The following PAMR1 variants were observed in gnomAD, a reference collection of about 807,000 sequenced individuals.
PAMR1 encodes peptidase domain containing associated with muscle regeneration 1.
A neutral mutation model predicts 81.8 loss-of-function variants in PAMR1; 88 were observed. The ratio of observed to expected loss-of-function variants is 1.08; its 90% confidence interval spans 0.91 to 1.28. The LOEUF is 1.28. PAMR1 is among the 50% of genes most tolerant of loss of function. PAMR1 has a pLI of 0.00. For synonymous variants in PAMR1, 336 were observed against 345.3 expected, an observed-to-expected ratio of 0.97 and a Z score of 0.30; for missense variants, 935 against 919.7, an observed-to-expected ratio of 1.02 and a Z score of -0.21.
Position 35,492,041 on chromosome 11 carries a change from T to G in PAMR1, c.379+4A>C. On this transcript the variant is annotated splice_donor_region_variant and intron_variant, in intron 3 of 10. Coordinates refer to ENST00000619888, the MANE Select transcript of PAMR1 (RefSeq NM_001001991.3). ...GAGATGGAGCTAGGTCAAGGTCTAC[T>G]TACGCATGCAGTCTCCTCCGTACCA... is the stretch of plus-strand genomic sequence containing the variant. 6.2e-7 allele frequency: 1 copy of G among 1,610,502 alleles called. No homozygotes were observed. The highest frequency in any genetic ancestry group is 8.5e-7 in the Non-Finnish European group (1 of 1,178,208).
intron 7 of PAMR1, 148 bp downstream of exon 7, chr11:35,441,332 AT>A: frequency 1.5e-6 from 1 of 648,774 alleles, no homozygotes; most frequent in Non-Finnish European, 2.7e-6. Context: ...TATTTTTAGG[AT>A]GGTTTCCAAC....
rs143102071 is a variant in PAMR1, at chr11:35,432,513, G to A, written c.2006C>T (p.Ala669Val). The change falls in exon 11 of 11, where the codon GCG becomes GTG. Residue 669 changes from alanine to valine, a missense_variant. Coordinates refer to ENST00000619888, the MANE Select transcript of PAMR1 (RefSeq NM_001001991.3). ...DICTAETGGI[A>V]AVSFPGRASP... ...TGCTCGTCCCGGGAAGGACACAGCC[G>A]CGATGCCTCCTGTCTCTGCAGTGCA... The A allele has an allele frequency of 3.0e-5, 48 of 1,614,256 alleles. No homozygotes were observed. The highest frequency in any genetic ancestry group is 2.1e-4 in the African/African-American group (16 of 75,072).
intron 1 of PAMR1, among the ~76,000 whole-genome samples, chr11:35,507,783 T>G (rs572555110): frequency 7.3e-6 from 1 of 136,254 alleles, no homozygotes; most frequent in Non-Finnish European, 1.5e-5. Flanking sequence ...TCTTTGTAAT[T>G]TACCTATTGA....
In PAMR1 at chr11:35,491,169, C is replaced by G. The variant is rs540500143; in HGVS notation, c.379+876G>C. 6.6e-5 allele frequency among the ~76,000 whole-genome samples: 10 copies of G among 152,300 alleles called. No individual in the cohort carries two copies. The South Asian group carries it at 1.7e-3, about 25-fold the overall frequency. On this transcript the variant is annotated intron_variant, in intron 3 of 10. Transcript: ENST00000619888. The stretch of plus-strand genomic sequence containing the variant: ...TCCCCAGTTCACCTGGAAGTGCCAA[C>G]AAGCCCCTTCTCCTCCTGGTATAGT...
At chr11:35,526,399 A>G (rs1023904811), upstream of PAMR1, among the ~76,000 whole-genome samples, 1 of 152,198 alleles carries the variant, frequency 6.6e-6, no homozygotes, top group Non-Finnish European at 1.5e-5. Flanking sequence ...AAGAACCCTC[A>G]CTGCCTCCAC....
chr11:35,439,065 A>C (rs1286511597), intron 8 of PAMR1, among the ~76,000 whole-genome samples: 1 of 152,160 alleles, frequency 6.6e-6, no homozygotes, highest in Non-Finnish European at 1.5e-5. Flanking sequence ...AGAATGTAGA[A>C]GAAATGAGTA....
rs573993459 is a variant in PAMR1 at position 35,513,097 on chromosome 11, T to C, written c.73+12416A>G. Among the ~76,000 whole-genome samples the C allele has an allele frequency of 3.3e-5, 5 of 152,336 alleles. No individual in the cohort carries two copies. In the South Asian group the frequency reaches 8.3e-4, roughly 25 times the overall value. ...TGCTCTGAGTCTTATCAGTAGTCTA[T>C]TCAGAACAGAGCTCTGCTTCCAATA... On this transcript the variant is annotated intron_variant, in intron 1 of 10. Coordinates refer to ENST00000619888, the MANE Select transcript of PAMR1 (RefSeq NM_001001991.3).
chr11:35,493,324 C>A (rs1034749487), intron 2 of PAMR1, among the ~76,000 whole-genome samples: 3 of 152,164 alleles, frequency 2.0e-5, no homozygotes, highest in African/African-American at 7.2e-5. Context: ...ATAGCCTAAA[C>A]TTTGAAGCAC....
intron 6 of PAMR1, among the ~76,000 whole-genome samples, chr11:35,449,513 C>T (rs1348232146): frequency 6.6e-6 from 1 of 152,232 alleles, no homozygotes; most frequent in Non-Finnish European, 1.5e-5. Context: ...GCCACAGCTA[C>T]TGTGCTGCAC....
intron 3 of PAMR1, among the ~76,000 whole-genome samples, chr11:35,484,786 C>T (rs1357017826): frequency 6.6e-6 from 1 of 152,192 alleles, no homozygotes; most frequent in East Asian, 1.9e-4. Flanking sequence ...GGATCACTGC[C>T]ATGCCAGCTA....
At chr11:35,465,286 G>A (rs547666657) in intron 6 of PAMR1, among the ~76,000 whole-genome samples, 1 of 152,028 alleles carries the variant, frequency 6.6e-6, no homozygotes, top group East Asian at 1.9e-4. Flanking sequence ...CATTAATGTT[G>A]ATTTTGGTCA....
intron 2 of PAMR1, 27 bp from the exon 3 acceptor site, chr11:35,492,200 T>C (rs1198138399): frequency 6.2e-7 from 1 of 1,613,288 alleles, no homozygotes; most frequent in Admixed American, 1.7e-5. Flanking sequence ...AAGAGGAGTG[T>C]TAGGCCAAAG....
chr11:35,459,931 G>C (rs1446635814), intron 6 of PAMR1, among the ~76,000 whole-genome samples: 1 of 152,198 alleles, frequency 6.6e-6, no homozygotes, highest in African/African-American at 2.4e-5. Flanking sequence ...GTAAAGTGCA[G>C]GTAATCAAAG....
chr11:35,449,568 C>A (rs1355780976), intron 6 of PAMR1, among the ~76,000 whole-genome samples: 10 of 152,296 alleles, frequency 6.6e-5, no homozygotes, highest in Admixed American at 2.0e-4. Flanking sequence ...CTTTCTGGAC[C>A]AGCAGGGGAA....
chr11:35,435,589 G>C (rs186258109), intron 9 of PAMR1, among the ~76,000 whole-genome samples: 3 of 152,234 alleles, frequency 2.0e-5, no homozygotes, highest in Admixed American at 2.0e-4. Context: ...AAACAGGGTA[G>C]CCAAGATTAT....
chr11:35,471,950 G>A (rs1235952892), intron 4 of PAMR1, among the ~76,000 whole-genome samples: 1 of 152,190 alleles, frequency 6.6e-6, no homozygotes, highest in Non-Finnish European at 1.5e-5. Flanking sequence ...GCCACCTACA[G>A]TAAAAACCCA....
At chr11:35,529,273 A>T (rs1048191377), upstream of PAMR1, among the ~76,000 whole-genome samples, 3 of 152,204 alleles carry the variant, frequency 2.0e-5, no homozygotes, top group Admixed American at 2.0e-4. Flanking sequence ...TAGCCTTCTC[A>T]TTTGCAAACT....
At chr11:35,462,722 G>A (rs529568198) in intron 6 of PAMR1, among the ~76,000 whole-genome samples, 7 of 152,266 alleles carry the variant, frequency 4.6e-5, no homozygotes, top group Admixed American at 3.9e-4. Context: ...ACCCTAAGAG[G>A]AATTTGGTAT....
intron 1 of PAMR1, among the ~76,000 whole-genome samples, chr11:35,505,557 T>G (rs1474295510): frequency 7.9e-5 from 12 of 152,140 alleles, no homozygotes; most frequent in Admixed American, 7.9e-4. Context: ...GCATAGATAT[T>G]TATAATTGTT....
Sources: allele counts gnomAD v4.1 joint callset (sites outside exome capture counted in the v4.1 genomes callset), GRCh38; gene constraint gnomAD v4.1.1; transcripts MANE v1.5; gene names NCBI Gene and HGNC (gene_info 2026-07-23, HGNC 2026-07-21).